Variants in AKR1C2 observed in about 807,000 individuals in gnomAD.
The protein encoded by AKR1C2 is 3-alpha-HSD3.
A neutral mutation model predicts 39.8 loss-of-function variants in AKR1C2; 27 were observed. The ratio of observed to expected loss-of-function variants is 0.68; its 90% CI spans 0.50 to 0.93. The LOEUF is 0.93. Among genes scored for constraint, AKR1C2 ranks in the 40% least tolerant of loss-of-function variants. The pLI is 0.00. For missense variants in AKR1C2, 263 were observed against 365.1 expected, an observed-to-expected ratio of 0.72 and a Z score of 2.28; for synonymous variants, 114 against 137.9, an observed-to-expected ratio of 0.83 and a Z score of 1.22.
Position 4,989,867 on chromosome 10 carries a change from C to G in AKR1C2, c.*129G>C, listed in dbSNP as rs1836773219. ...TTCCGGCCGATGGGCTTAGCTGTAG[C>G]TTACTGAAGTCGCCAAGCAGGAGAG... On this transcript the variant is annotated 3_prime_UTR_variant, in exon 9 of 9. Transcript: ENST00000380753. The G allele has an allele frequency of 7.2e-7, 1 of 1,383,156 alleles. No homozygotes were observed. Among genetic ancestry groups the G allele is most frequent in the South Asian group, 1.3e-5 (1 of 75,324 alleles). 85.7% of individuals were successfully genotyped at this position (1,383,156 alleles called of 1,614,324 possible). A position where few individuals can be genotyped will look rare whatever the true frequency, so the allele number is the denominator to read the frequency against.
chr10:4,990,602 C>T (rs1306689068), intron 8 of AKR1C2, among the ~76,000 whole-genome samples: 3 of 152,078 alleles, frequency 2.0e-5, no homozygotes, highest in Non-Finnish European at 4.4e-5. Context: ...AGCTACAATG[C>T]ATAAACCATT....
intron 8 of AKR1C2, among the ~76,000 whole-genome samples, chr10:4,990,285 T>C (rs1554772025): frequency 6.6e-6 from 1 of 152,240 alleles, no homozygotes; most frequent in African/African-American, 2.4e-5. Flanking sequence ...AAGTGAAATG[T>C]TCAAACATGT....
chr10:5,009,771 G>A (rs1837482929), intron 1 of AKR1C2, among the ~76,000 whole-genome samples: 1 of 152,094 alleles, frequency 6.6e-6, no homozygotes, highest in Admixed American at 6.5e-5. Flanking sequence ...AGCAGGTGAG[G>A]AGACAAGGAG....
chr10:5,000,031 T>C (rs1837205586), intron 3 of AKR1C2: 2 of 1,049,570 alleles, frequency 1.9e-6, no homozygotes, highest in South Asian at 3.8e-5. Flanking sequence ...CAAGAATTCA[T>C]GGCTAAGCAA....
At chr10:5,014,911 A>T (rs1554775227) in intron 1 of AKR1C2, 1 of 152,276 alleles carries the variant, frequency 6.6e-6, no homozygotes, top group African/African-American at 2.4e-5. Flanking sequence ...ACCTTTGGAC[A>T]GATGCAAGGC....
intron 1 of AKR1C2, among the ~76,000 whole-genome samples, chr10:5,009,242 T>G (rs549913135): frequency 4.4e-4 from 67 of 152,088 alleles, no homozygotes; most frequent in African/African-American, 1.1e-3. Flanking sequence ...TTTTTCAGAG[T>G]GAACTCTGTT....
chr10:5,003,303 TAGTATTAC>T (rs200512667), intron 1 of AKR1C2, among the ~76,000 whole-genome samples: 2,143 of 150,564 alleles, frequency 0.014, 21 homozygotes, highest in African/African-American at 0.049. Flanking sequence ...AGGCCAGGTC[TAGTATTAC>T]AGTGTGGTGC....
intron 5 of AKR1C2, among the ~76,000 whole-genome samples, chr10:4,996,980 T>C (rs1229413951): frequency 2.0e-5 from 3 of 152,120 alleles, no homozygotes; most frequent in African/African-American, 7.2e-5. Context: ...CATGGGAATA[T>C]GACTTCTTCT....
upstream of AKR1C2, among the ~76,000 whole-genome samples, chr10:5,004,268 A>T (rs1330470044): frequency 6.6e-6 from 1 of 152,192 alleles, no homozygotes; most frequent in Non-Finnish European, 1.5e-5. Context: ...TCTCTCTCTC[A>T]CACACACAAT....
upstream of AKR1C2, among the ~76,000 whole-genome samples, chr10:5,005,034 G>A (rs1369946315): frequency 6.6e-6 from 1 of 150,886 alleles, no homozygotes; most frequent in Non-Finnish European, 1.5e-5. Context: ...TATTTCTGGA[G>A]TGGCTCAGTA....
chr10:4,997,357 T>A (rs1837092579), intron 5 of AKR1C2: 1 of 152,246 alleles, frequency 6.6e-6, no homozygotes, highest in Non-Finnish European at 1.5e-5. Context: ...CAATGAAAAA[T>A]TAAAATATGG....
At chr10:4,996,547 A>C (rs1156300218) in intron 5 of AKR1C2, among the ~76,000 whole-genome samples, 1 of 144,552 alleles carries the variant, frequency 6.9e-6, no homozygotes, top group African/African-American at 2.5e-5. Flanking sequence ...ATATATATAT[A>C]ATATATATAT....
chr10:5,006,426 A>G (rs549102754), upstream of AKR1C2: 1 of 152,118 alleles, frequency 6.6e-6, no homozygotes, highest in South Asian at 2.1e-4. Flanking sequence ...ACATGGTGAA[A>G]CCCTATTTCT....
In AKR1C2 at chr10:5,000,603, G is replaced by T. The variant is rs1277156911; in HGVS notation, c.316C>A (p.Leu106Ile). Residue 106 changes from leucine (L) to isoleucine (I), a missense_variant, in exon 3 of 9, where the codon CTT becomes ATT. This residue lies in a region of AKR1C2 where 247 missense variants were observed against 267.9 expected (regional missense o/e 0.92). Coordinates refer to ENST00000380753, the MANE Select transcript of AKR1C2 (RefSeq NM_001393392.1). The part of the protein sequence containing the change: ...RPALERSLKN[L>I]QLDYVDLYLI... ...TAGAGGTCAACATAGTCCAATTGAA[G>T]ATTTTTCAGTGACCTTTCCAAGGCT... 4.3e-6 allele frequency: 7 copies of T among 1,613,926 alleles called. No individual in the cohort carries two copies. The African/African-American group carries it at 9.3e-5, about 22-fold the overall frequency.
intron 7 of AKR1C2, among the ~76,000 whole-genome samples, chr10:4,992,374 AC>A (rs1836869802): frequency 6.6e-6 from 1 of 152,224 alleles, no homozygotes; most frequent in African/African-American, 2.4e-5. Context: ...CTAAATACTA[AC>A]GATTTCACAT....
intron 1 of AKR1C2, among the ~76,000 whole-genome samples, chr10:5,002,233 A>C (rs1448764162): frequency 1.3e-5 from 2 of 152,214 alleles, no homozygotes; most frequent in African/African-American, 4.8e-5. Flanking sequence ...TCTGCCTAGC[A>C]GACACAAATC....
upstream of AKR1C2, among the ~76,000 whole-genome samples, chr10:5,008,162 C>G (rs1171737134): frequency 1.3e-5 from 2 of 151,454 alleles, no homozygotes; most frequent in African/African-American, 4.9e-5. Context: ...AGGCCTTTCT[C>G]CCACAGCTTT....
At chr10:4,997,679 A>G (rs542147166) in intron 5 of AKR1C2, among the ~76,000 whole-genome samples, 29 of 152,336 alleles carry the variant, frequency 1.9e-4, no homozygotes, top group African/African-American at 7.0e-4. Context: ...AACTACTAGT[A>G]TTAAAACCAC....
intron 2 of AKR1C2, 111 bp downstream of exon 2, chr10:5,001,403 C>A (rs543922919): frequency 1.9e-5 from 29 of 1,512,266 alleles, no homozygotes; most frequent in Admixed American, 1.4e-4. Context: ...GTGAATAAAT[C>A]GAAATAAATA....
Sources: allele counts gnomAD v4.1 joint callset (sites outside exome capture counted in the v4.1 genomes callset), GRCh38; gene constraint gnomAD v4.1.1; regional missense constraint gnomAD v4.1.1; transcripts MANE v1.5; gene names NCBI Gene and HGNC (gene_info 2026-07-23, HGNC 2026-07-21).